The following RASGRF2 variants were observed in gnomAD, a reference collection of about 807,000 sequenced individuals.
RASGRF2 encodes ras-specific guanine nucleotide-releasing factor 2.
In RASGRF2, 76 loss-of-function variants were observed where a neutral mutation model predicts 151.0. The ratio of observed to expected loss-of-function variants is 0.50; its 90% CI spans 0.42 to 0.61. The LOEUF is 0.61. Ranked by LOEUF, RASGRF2 falls within the 20% of genes least tolerant of loss-of-function variation. RASGRF2 has a pLI of 0.00. For synonymous variants in RASGRF2, 504 were observed against 566.5 expected (o/e 0.89, Z 1.57); for missense variants, 1,148 against 1,564.6 (o/e 0.73, Z 4.49).
intron 1 of RASGRF2, among the ~76,000 whole-genome samples, chr5:81,038,079 A>G (rs1309464677): frequency 6.6e-6 from 1 of 152,174 alleles, no homozygotes; most frequent in Non-Finnish European, 1.5e-5. Flanking sequence ...GCTTTATGAT[A>G]TATTATTATA....
At chr5:81,103,823 A>G (rs760300761) in intron 12 of RASGRF2, among the ~76,000 whole-genome samples, 1 of 152,182 alleles carries the variant, frequency 6.6e-6, no homozygotes, top group Non-Finnish European at 1.5e-5. Flanking sequence ...TCTTAAATGT[A>G]TACATATATG....
Position 81,217,369 on chromosome 5 carries a change from G to T in RASGRF2, c.3448G>T (p.Ala1150Ser). Residue 1150 changes from alanine to serine, a missense_variant, in exon 25 of 27, where the codon GCA becomes TCA. By Grantham distance (99) the Ala-to-Ser change is moderately conservative. This residue lies in a region of RASGRF2 where 100 missense variants were observed against 148.2 expected (regional missense o/e 0.67). Coordinates refer to ENST00000265080, the MANE Select transcript of RASGRF2 (RefSeq NM_006909.3). ...TTGGTCTTGCAGTTGTAACCCTCCT[G>T]CAGTTCCTTATCTTGGGATGTACTT... is the stretch of plus-strand genomic sequence containing the variant. ...RETLKNCNPPAVPYLGMYLTD... is the reference protein window; with the variant it reads ...RETLKNCNPPSVPYLGMYLTD... 6.2e-7 allele frequency: 1 copy of T among 1,610,030 alleles called. No individual in the cohort carries two copies. Among genetic ancestry groups the T allele is most frequent in the Non-Finnish European group, 8.5e-7 (1 of 1,178,772 alleles).
intron 1 of RASGRF2, among the ~76,000 whole-genome samples, chr5:80,983,509 G>A (rs1022033055): frequency 6.6e-5 from 10 of 152,212 alleles, no homozygotes; most frequent in Non-Finnish European, 1.5e-4. Flanking sequence ...ACAACCCTGG[G>A]CAGCCCGCCC....
intron 1 of RASGRF2, among the ~76,000 whole-genome samples, chr5:81,016,368 G>A (rs1480907890): frequency 6.6e-6 from 1 of 152,178 alleles, no homozygotes; most frequent in Non-Finnish European, 1.5e-5. Flanking sequence ...GTTGATGAAA[G>A]TTTCTCTGTC....
intron 18 of RASGRF2, 50 bp from the exon 19 acceptor site, chr5:81,201,280 A>G (rs1413514658): frequency 6.3e-7 from 1 of 1,583,260 alleles, no homozygotes; most frequent in Non-Finnish European, 8.6e-7. Flanking sequence ...TGTGTCATAG[A>G]GCTAACCCTT....
intron 9 of RASGRF2, chr5:81,087,728 A>G: frequency 3.6e-6 from 1 of 276,632 alleles, no homozygotes; most frequent in Non-Finnish European, 6.8e-6. Context: ...AATTGATTTG[A>G]GACAATATAT....
In RASGRF2 at chr5:81,116,079, T is replaced by C. The variant is rs1041737758; in HGVS notation, c.2470+2159T>C. Among the ~76,000 whole-genome samples the C allele has an allele frequency of 2.1e-4, 22 of 104,070 alleles. 1 individual carries two copies. Among genetic ancestry groups the C allele is most frequent in the African/African-American group, 9.2e-4 (20 of 21,710 alleles). 68.3% of individuals were successfully genotyped at this position (104,070 alleles called of 152,430 possible). On this transcript the variant is annotated intron_variant, in intron 15 of 26. Coordinates refer to ENST00000265080, the MANE Select transcript of RASGRF2 (RefSeq NM_006909.3). ...TGAATGCCATTTCTTTTTTTTTTTT[T>C]TTTTTTTTTTTTTTTTTTTTTGAGA...
intron 2 of RASGRF2, among the ~76,000 whole-genome samples, chr5:81,052,915 GT>G (rs1360091336): frequency 6.6e-6 from 1 of 152,046 alleles, no homozygotes; most frequent in African/African-American, 2.4e-5. Context: ...GATAGGTGGA[GT>G]TTTTCTTTCT....
In RASGRF2 at chr5:81,049,056, A is replaced by C. The variant is rs893073115; in HGVS notation, c.395+6073A>C. ...ACTATAACTGTTGTCACCTGGGTCA[A>C]CAATGAATTTCCAAAGCTTTTCTTT... On this transcript the variant is annotated intron_variant, in intron 2 of 26. Transcript: ENST00000265080. Among the ~76,000 whole-genome samples, 4 of 151,978 alleles carry C rather than the reference A, an allele frequency of 2.6e-5. No homozygotes were observed. In the East Asian group the frequency reaches 7.7e-4, roughly 29 times the overall value.
intron 1 of RASGRF2, among the ~76,000 whole-genome samples, chr5:81,008,950 A>G (rs1229150889): frequency 1.3e-5 from 2 of 152,174 alleles, no homozygotes; most frequent in Non-Finnish European, 2.9e-5. Context: ...AGCAAGTAGA[A>G]CTTCAAGTCA....
At position 81,211,953 on chromosome 5, in the gene RASGRF2, G is replaced by A. The variant is rs147086607; in HGVS notation, c.3157-413G>A. ...TCTGTGATAACTGTGGCTTCTCAGA[G>A]TGAGTAATCACACACTGTTGGGGGC... On this transcript the variant is annotated intron_variant, in intron 22 of 26. Transcript: ENST00000265080. Among the ~76,000 whole-genome samples the A allele has an allele frequency of 2.9e-3, 445 of 152,334 alleles. 4 individuals carry two copies. Among genetic ancestry groups the A allele is most frequent in the African/African-American group, 9.8e-3 (407 of 41,574 alleles).
At chr5:81,027,960 A>T (rs1265308754) in intron 1 of RASGRF2, among the ~76,000 whole-genome samples, 4 of 152,156 alleles carry the variant, frequency 2.6e-5, no homozygotes, top group Admixed American at 6.5e-5. Context: ...ATCAGTGAAA[A>T]TAATAAAGAG....
intron 1 of RASGRF2, among the ~76,000 whole-genome samples, chr5:81,021,178 A>G (rs1340547237): frequency 6.6e-6 from 1 of 152,200 alleles, no homozygotes; most frequent in African/African-American, 2.4e-5. Context: ...AAGATTTGCT[A>G]TTAGAGTTTG....
chr5:81,166,431 A>G (rs547252355), intron 17 of RASGRF2, among the ~76,000 whole-genome samples: 3 of 152,184 alleles, frequency 2.0e-5, no homozygotes, highest in Admixed American at 2.0e-4. Context: ...CAGGAGATCC[A>G]CCCACATCAG....
At chr5:81,112,505 G>A (rs1271024794) in intron 13 of RASGRF2, 105 bp from the exon 14 acceptor site, 1 of 1,456,002 alleles carries the variant, frequency 6.9e-7, no homozygotes, top group Non-Finnish European at 9.4e-7. Flanking sequence ...CAAATGCAGT[G>A]AGAAGCCCAC....
intron 6 of RASGRF2, 83 bp from the exon 7 acceptor site, chr5:81,080,513 G>T: frequency 7.3e-7 from 1 of 1,367,556 alleles, no homozygotes; most frequent in Non-Finnish European, 1.0e-6. Context: ...CTGGTGCTGG[G>T]ACCCACTCTT....
At chr5:81,217,792 G>T (rs192931422) in intron 25 of RASGRF2, among the ~76,000 whole-genome samples, 3,171 of 150,992 alleles carry the variant, frequency 0.021, 107 homozygotes, top group African/African-American at 0.073. Context: ...GCCCAGGCTG[G>T]AGTGCAGTGG....
At chr5:81,209,334 T>C (rs1407397184) in intron 22 of RASGRF2, among the ~76,000 whole-genome samples, 1 of 152,124 alleles carries the variant, frequency 6.6e-6, no homozygotes, top group African/African-American at 2.4e-5. Flanking sequence ...AGTCCTGTGG[T>C]AGAACAAGTA....
intron 18 of RASGRF2, among the ~76,000 whole-genome samples, chr5:81,180,985 C>T (rs562312856): frequency 6.6e-6 from 1 of 152,150 alleles, no homozygotes; most frequent in Non-Finnish European, 1.5e-5. Flanking sequence ...ACATACCAGG[C>T]AGGCCCTCCT....
Sources: allele counts gnomAD v4.1 joint callset (sites outside exome capture counted in the v4.1 genomes callset), GRCh38; gene constraint gnomAD v4.1.1; regional missense constraint gnomAD v4.1.1; transcripts MANE v1.5; gene names NCBI Gene and HGNC (gene_info 2026-07-23, HGNC 2026-07-21).